PXK: variants seen among roughly 807,000 people sequenced by gnomAD.
The protein encoded by PXK is PX domain containing serine/threonine kinase like.
PXK carries 35 observed loss-of-function variants against 84.7 expected under a neutral mutation model. The observed-to-expected ratio is 0.41, with a 90% CI of 0.32 to 0.55. The LOEUF (loss-of-function observed/expected upper bound fraction) is 0.55. Among genes scored for constraint, PXK ranks in the 20% least tolerant of loss-of-function variants. The pLI, the probability that PXK is intolerant of heterozygous loss-of-function variation, is 0.21. For synonymous variants in PXK, 253 were observed against 260.8 expected, an observed-to-expected ratio of 0.97 and a Z score of 0.29; for missense variants, 634 against 699.7, an observed-to-expected ratio of 0.91 and a Z score of 1.06.
chr3:58,345,839 G>A (rs988500730), intron 1 of PXK, among the ~76,000 whole-genome samples: 8 of 152,156 alleles, frequency 5.3e-5, no homozygotes, highest in South Asian at 2.1e-4. Context: ...AAGCCTTATA[G>A]CCTTTAACGT....
At chr3:58,361,256 A>G (rs1052826004) in intron 1 of PXK, among the ~76,000 whole-genome samples, 3 of 142,884 alleles carry the variant, frequency 2.1e-5, no homozygotes, top group African/African-American at 7.9e-5. Flanking sequence ...AGATTGTACC[A>G]CTGCACTCCA....
At position 58,397,419 on chromosome 3, in the gene PXK, G is replaced by C. The variant is rs1461003699; in HGVS notation, c.985-186G>C. Among the ~76,000 whole-genome samples the C allele has an allele frequency of 6.6e-6, 1 of 152,090 alleles. No individual in the cohort carries two copies. The highest frequency in any genetic ancestry group is 1.9e-4 in the East Asian group (1 of 5,182). ...ACTCACTGATTGGAAAACTGTGGAGGGTCGGACCAAGACCTTTGGGATACC... is the reference window on the plus strand; with the variant it reads ...ACTCACTGATTGGAAAACTGTGGAGCGTCGGACCAAGACCTTTGGGATACC... On this transcript the variant is annotated intron_variant, in intron 10 of 17. Transcript: ENST00000356151. The surrounding 1 kb of genome is among the most constrained non-coding windows in gnomAD (Gnocchi z 4.7).
At chr3:58,349,183 A>G (rs763223406) in intron 1 of PXK, among the ~76,000 whole-genome samples, 17 of 152,030 alleles carry the variant, frequency 1.1e-4, no homozygotes, top group Non-Finnish European at 2.1e-4. Flanking sequence ...GCAGTGAGCT[A>G]TGGTTGTACC....
At chr3:58,384,274 G>A (rs1366499182) in intron 4 of PXK, among the ~76,000 whole-genome samples, 1 of 152,182 alleles carries the variant, frequency 6.6e-6, no homozygotes, top group African/African-American at 2.4e-5. Flanking sequence ...ATTTTAACAA[G>A]GTCCCCAGGT....
chr3:58,339,578 T>A (rs2097691660), intron 1 of PXK, among the ~76,000 whole-genome samples: 1 of 152,100 alleles, frequency 6.6e-6, no homozygotes, highest in African/African-American at 2.4e-5. Context: ...TGATACTCAA[T>A]CCCTGTATAT....
In PXK at chr3:58,399,114, C is replaced by T. The variant is rs550199975; in HGVS notation, c.1103-185C>T. ...TTCTAAACCATTTCTTTTGAGTCAT[C>T]GGTAACGCCAGTGTTGCCAGCATTC... On this transcript the variant is annotated intron_variant, in intron 11 of 17. Coordinates refer to ENST00000356151, the MANE Select transcript of PXK (RefSeq NM_017771.5). The surrounding 1 kb of genome is among the most constrained non-coding windows in gnomAD (Gnocchi z 4.3). Among the ~76,000 whole-genome samples the T allele has an allele frequency of 1.3e-5, 2 of 152,308 alleles. No homozygotes were observed. Among genetic ancestry groups the T allele is most frequent in the African/African-American group, 2.4e-5 (1 of 41,574 alleles).
chr3:58,348,151 C>A (rs2097855185), intron 1 of PXK, among the ~76,000 whole-genome samples: 1 of 152,144 alleles, frequency 6.6e-6, no homozygotes, highest in Non-Finnish European at 1.5e-5. Context: ...TCAAGTCATC[C>A]ACCTACCTCT....
chr3:58,369,237 C>T (rs367604466), intron 2 of PXK, among the ~76,000 whole-genome samples, 194 bp from the exon 3 acceptor site: 27 of 152,310 alleles, frequency 1.8e-4, no homozygotes, highest in East Asian at 1.2e-3. Flanking sequence ...GCCCAGCCAA[C>T]GCTTGGCACT....
Position 58,412,798 on chromosome 3 carries a change from T to G in PXK, c.1466-103T>G. On this transcript the variant is annotated intron_variant, in intron 16 of 17. Transcript: ENST00000356151. This position sits in a 1 kb window ranked among gnomAD's most constrained non-coding sequence, Gnocchi z 6.2. ...ATCTTGTTTCACAAGGCTCACACACTAAGCCAAATGTAGATTCTCAGACAG... is the reference window on the plus strand; with the variant it reads ...ATCTTGTTTCACAAGGCTCACACACGAAGCCAAATGTAGATTCTCAGACAG... 5.8e-6 allele frequency: 7 copies of G among 1,207,144 alleles called. No homozygotes were observed. The highest frequency in any genetic ancestry group is 8.6e-6 in the Non-Finnish European group (7 of 812,928). The allele number at this position is 1,207,144 out of a possible 1,614,324, so 74.8% of individuals were successfully genotyped here.
At chr3:58,406,304 C>T (rs538957970) in intron 13 of PXK, among the ~76,000 whole-genome samples, 2 of 140,544 alleles carry the variant, frequency 1.4e-5, no homozygotes, top group South Asian at 2.2e-4. Context: ...TTGAAGTAGG[C>T]GATTTTTTGT....
At position 58,333,597 on chromosome 3, in the gene PXK, T is replaced by A; in HGVS notation, c.102+507T>A. On this transcript the variant is annotated intron_variant, in intron 1 of 17. Transcript: ENST00000356151. The surrounding 1 kb of genome is among the most constrained non-coding windows in gnomAD (Gnocchi z 5.4). ...ACTTGTTGGGACAGCAGAGTGTAAGTGGCTGGGGTCTGCAGCCCCGTTTCC... is the reference window on the plus strand; with the variant it reads ...ACTTGTTGGGACAGCAGAGTGTAAGAGGCTGGGGTCTGCAGCCCCGTTTCC... 1 of 456,644 alleles carries A rather than the reference T, an allele frequency of 2.2e-6. No individual in the cohort carries two copies. The highest frequency in any genetic ancestry group is 1.5e-5 in the South Asian group (1 of 64,570). The allele number at this position is 456,644 out of a possible 1,614,324, so 28.3% of individuals were successfully genotyped here.
rs2058099585 is a variant in PXK at position 58,398,662 on chromosome 3, C to T, written c.1103-637C>T. Among the ~76,000 whole-genome samples the T allele has an allele frequency of 6.6e-6, 1 of 152,152 alleles. No homozygotes were observed. The highest frequency in any genetic ancestry group is 6.5e-5 in the Admixed American group (1 of 15,284). ...CATCCCCTCCACAGCCAGGCTGGCA[C>T]CCACAGCTGGAGCAGAGAGAGGGGA... On this transcript the variant is annotated intron_variant, in intron 11 of 17. Transcript: ENST00000356151. This position sits in a 1 kb window ranked among gnomAD's most constrained non-coding sequence, Gnocchi z 4.5.
In PXK at chr3:58,341,545, G is replaced by C. The variant is rs115237742; in HGVS notation, c.102+8455G>C. 1.5e-3 allele frequency among the ~76,000 whole-genome samples: 233 copies of C among 152,208 alleles called. 1 individual carries two copies. The highest frequency in any genetic ancestry group is 5.0e-3 in the African/African-American group (208 of 41,546). ...CCACTGCACTGCATCCTGGATGACA[G>C]AGTGAGACTCTATCTCAAAAACAAA... On this transcript the variant is annotated intron_variant, in intron 1 of 17. Transcript: ENST00000356151.
At chr3:58,348,123 T>C (rs1478418377) in intron 1 of PXK, among the ~76,000 whole-genome samples, 1 of 152,164 alleles carries the variant, frequency 6.6e-6, no homozygotes, top group Non-Finnish European at 1.5e-5. Flanking sequence ...TTGGCCAGGC[T>C]GGTCTTGAAC....
In PXK at chr3:58,407,766, A is replaced by G. The variant is rs923480163; in HGVS notation, c.1231-1158A>G. On this transcript the variant is annotated intron_variant, in intron 13 of 17. Transcript: ENST00000356151. This position sits in a 1 kb window ranked among gnomAD's most constrained non-coding sequence, Gnocchi z 4.3. ...GAGACGGGGTTTTGCCATGTTGGCC[A>G]GGCTGGTCTTGAACTTCTGACCTCA... is the stretch of plus-strand genomic sequence containing the variant. 1.3e-5 allele frequency among the ~76,000 whole-genome samples: 2 copies of G among 152,132 alleles called. No homozygotes were observed. The highest frequency in any genetic ancestry group is 6.5e-5 in the Admixed American group (1 of 15,272).
chr3:58,413,087 A>G (rs2060448213), intron 17 of PXK, 124 bp downstream of exon 17: 13 of 996,332 alleles, frequency 1.3e-5, no homozygotes, highest in Middle Eastern at 6.0e-4. Context: ...CTCAAGAGAA[A>G]TCAGTGGGAG....
chr3:58,369,266 G>T (rs1296471454), intron 2 of PXK, among the ~76,000 whole-genome samples, 165 bp from the exon 3 acceptor site: 1 of 152,092 alleles, frequency 6.6e-6, no homozygotes, highest in African/African-American at 2.4e-5. Flanking sequence ...TGTTTTCTAG[G>T]CTTGTCAGGT....
intron 17 of PXK, chr3:58,413,291 G>T (rs965914382): frequency 6.2e-6 from 2 of 320,990 alleles, no homozygotes; most frequent in Non-Finnish European, 5.9e-6. Context: ...ACACAAATGC[G>T]CCGTGGCCCA....
chr3:58,343,957 T>C (rs2097776438), intron 1 of PXK, among the ~76,000 whole-genome samples: 1 of 152,198 alleles, frequency 6.6e-6, no homozygotes, highest in Non-Finnish European at 1.5e-5. Flanking sequence ...GGTACACTCA[T>C]TTTATACACC....
Sources: gnomAD v4.1 joint callset for allele counts (sites outside exome capture counted in the v4.1 genomes callset) on GRCh38, gnomAD v4.1.1 for gene constraint, Gnocchi (gnomAD v3.1) non-coding constraint, MANE v1.5 for transcripts, NCBI Gene and HGNC (gene_info 2026-07-23, HGNC 2026-07-21) for gene names.